Variants in UBE2E2 observed in about 807,000 individuals in gnomAD.
UBE2E2 encodes ubiquitin-conjugating enzyme E2 E2.
A neutral mutation model predicts 24.7 loss-of-function variants in UBE2E2; 6 were observed. The ratio of observed to expected loss-of-function variants is 0.24; its 90% CI spans 0.13 to 0.48. The LOEUF (loss-of-function observed/expected upper bound fraction) is 0.48. Among genes scored for constraint, UBE2E2 ranks in the 20% least tolerant of loss-of-function variants. UBE2E2 has a pLI of 0.99. For synonymous variants in UBE2E2, 104 were observed against 83.6 expected (o/e 1.24, Z -1.33); for missense variants, 169 against 245.0 (o/e 0.69, Z 2.07).
At chr3:23,361,378 C>T (rs1696109368) in intron 3 of UBE2E2, among the ~76,000 whole-genome samples, 1 of 149,726 alleles carries the variant, frequency 6.7e-6, no homozygotes, top group African/African-American at 2.4e-5. Context: ...AACATGCACA[C>T]ACATGTTTAT....
chr3:23,260,332 A>G (rs1383494890), intron 3 of UBE2E2, among the ~76,000 whole-genome samples: 1 of 152,206 alleles, frequency 6.6e-6, no homozygotes, highest in Non-Finnish European at 1.5e-5. Flanking sequence ...AATTATTTTC[A>G]GTCTGCCAAG....
intron 5 of UBE2E2, among the ~76,000 whole-genome samples, chr3:23,549,447 T>G (rs1411001502): frequency 6.6e-6 from 1 of 152,166 alleles, no homozygotes; most frequent in African/African-American, 2.4e-5. Context: ...TAAAGAAAAT[T>G]AAGTCAAAGG....
At chr3:23,235,868 G>A (rs1260435451) in intron 3 of UBE2E2, among the ~76,000 whole-genome samples, 2 of 152,138 alleles carry the variant, frequency 1.3e-5, no homozygotes, top group African/African-American at 2.4e-5. Context: ...TGTTAATTCT[G>A]AAATGTCTGA....
chr3:23,574,260 A>G (rs1418441011), intron 5 of UBE2E2, among the ~76,000 whole-genome samples: 1 of 152,182 alleles, frequency 6.6e-6, no homozygotes, highest in African/African-American at 2.4e-5. Flanking sequence ...GGAAGTGAGC[A>G]CAGCTAATGG....
At chr3:23,216,572 C>G (rs1219895791) in intron 2 of UBE2E2, among the ~76,000 whole-genome samples, 1 of 152,044 alleles carries the variant, frequency 6.6e-6, no homozygotes, top group Admixed American at 6.6e-5. Flanking sequence ...CAAGTATAGT[C>G]TTAGAAAACA....
At chr3:23,361,206 G>A (rs1268750876) in intron 3 of UBE2E2, among the ~76,000 whole-genome samples, 1 of 152,102 alleles carries the variant, frequency 6.6e-6, no homozygotes, top group African/African-American at 2.4e-5. Flanking sequence ...TGGTGAAAAG[G>A]GAGTCCTTTT....
chr3:23,301,171 A>G (rs915131921), intron 3 of UBE2E2, among the ~76,000 whole-genome samples: 10 of 151,948 alleles, frequency 6.6e-5, no homozygotes, highest in African/African-American at 2.2e-4. Context: ...TAGTTATTCT[A>G]GTTATCCATT....
intron 5 of UBE2E2, among the ~76,000 whole-genome samples, chr3:23,563,093 A>G (rs1695976348): frequency 6.6e-6 from 1 of 151,700 alleles, no homozygotes; most frequent in Non-Finnish European, 1.5e-5. Context: ...GATCTTAGTT[A>G]TTTCTTGCCT....
intron 5 of UBE2E2, among the ~76,000 whole-genome samples, chr3:23,534,427 T>C (rs1235910213): frequency 2.6e-5 from 4 of 151,588 alleles, no homozygotes. Context: ...GTAAAAGAAA[T>C]AGATTTTGAA....
At position 23,474,640 on chromosome 3, in the gene UBE2E2, T is replaced by G. The variant is rs1248151246; in HGVS notation, c.228-24968T>G. Among the ~76,000 whole-genome samples the G allele has an allele frequency of 6.6e-6, 1 of 152,118 alleles. No individual in the cohort carries two copies. Among genetic ancestry groups the G allele is most frequent in the Admixed American group, 6.5e-5 (1 of 15,280 alleles). The stretch of plus-strand genomic sequence containing the variant: ...GTCACATTTACCCTGGTCACACAAC[T>G]GGAATGGCAGTCTAGAATAAAACTA... On this transcript the variant is annotated intron_variant, in intron 3 of 5. Transcript: ENST00000396703. This position sits in a 1 kb window ranked among gnomAD's most constrained non-coding sequence, Gnocchi z 4.0.
chr3:23,410,766 A>G (rs1450982626), intron 3 of UBE2E2, among the ~76,000 whole-genome samples: 1 of 152,210 alleles, frequency 6.6e-6, no homozygotes, highest in African/African-American at 2.4e-5. Context: ...CTCTCAAGAC[A>G]TTTATAACTG....
intron 3 of UBE2E2, among the ~76,000 whole-genome samples, chr3:23,247,192 AATTT>A (rs1322489882): frequency 1.3e-5 from 2 of 152,076 alleles, no homozygotes; most frequent in African/African-American, 2.4e-5. Context: ...AAAGTAAAAG[AATTT>A]ATTTATTCTC....
At chr3:23,361,396 C>T (rs78386480) in intron 3 of UBE2E2, among the ~76,000 whole-genome samples, 1 of 152,126 alleles carries the variant, frequency 6.6e-6, no homozygotes, top group African/African-American at 2.4e-5. Context: ...TATAGTAGCA[C>T]AGTTTATAAT....
intron 3 of UBE2E2, among the ~76,000 whole-genome samples, chr3:23,302,173 TATCCAGTCTGTTTTC>T (rs1219944091): frequency 2.0e-5 from 3 of 152,180 alleles, no homozygotes; most frequent in Non-Finnish European, 2.9e-5. Context: ...CTTCCAGCCA[TATCCAGTCTGTTTTC>T]AACAAAATTC....
intron 3 of UBE2E2, among the ~76,000 whole-genome samples, chr3:23,230,103 A>G (rs1234136611): frequency 6.6e-6 from 1 of 152,184 alleles, no homozygotes; most frequent in Non-Finnish European, 1.5e-5. Context: ...TCTGCTATCC[A>G]CCATTATATT....
intron 3 of UBE2E2, among the ~76,000 whole-genome samples, chr3:23,271,821 A>G (rs972097875): frequency 6.6e-6 from 1 of 152,048 alleles, no homozygotes; most frequent in Non-Finnish European, 1.5e-5. Context: ...CCAAGCCCCC[A>G]CCAGATTAGC....
chr3:23,574,993 TTTCAGAATTTGGATC>T (rs1326220641), intron 5 of UBE2E2, among the ~76,000 whole-genome samples: 2 of 152,172 alleles, frequency 1.3e-5, no homozygotes, highest in Non-Finnish European at 2.9e-5. Context: ...CATTGGAGCA[TTTCAGAATTTGGATC>T]TTCAGATTAG....
rs979394414 is a variant in UBE2E2, at chr3:23,478,949, T to C, written c.228-20659T>C. ...GGCACATGCCTGTGGTTCCAGCTACTCAAGAGGTTGAGGTGGGAGGATTGC... is the reference window on the plus strand; with the variant it reads ...GGCACATGCCTGTGGTTCCAGCTACCCAAGAGGTTGAGGTGGGAGGATTGC... On this transcript the variant is annotated intron_variant, in intron 3 of 5. Coordinates refer to ENST00000396703, the MANE Select transcript of UBE2E2 (RefSeq NM_152653.4). 2.0e-5 allele frequency among the ~76,000 whole-genome samples: 3 copies of C among 151,940 alleles called. No homozygotes were observed. In the South Asian group the frequency reaches 6.2e-4, roughly 32 times the overall value.
chr3:23,277,067 C>T (rs914846651), intron 3 of UBE2E2, among the ~76,000 whole-genome samples: 1 of 152,068 alleles, frequency 6.6e-6, no homozygotes, highest in African/African-American at 2.4e-5. Context: ...ATCATGTATG[C>T]GTTCTTAATA....
Sources: allele counts gnomAD v4.1 joint callset (sites outside exome capture counted in the v4.1 genomes callset), GRCh38; gene constraint gnomAD v4.1.1; non-coding constraint Gnocchi (gnomAD v3.1); transcripts MANE v1.5; gene names NCBI Gene and HGNC (gene_info 2026-07-23, HGNC 2026-07-21).